Variants in UNC93A observed in about 807,000 individuals in gnomAD.
UNC93A encodes the protein N-acetylglucosamine transporter UNC93A.
UNC93A carries 43 observed loss-of-function variants against 47.5 expected under a neutral mutation model. The ratio of observed to expected loss-of-function variants is 0.91; its 90% confidence interval spans 0.71 to 1.17. UNC93A has a LOEUF of 1.17. Ranked by LOEUF, UNC93A falls within the 50% of genes most tolerant of loss-of-function variation. UNC93A has a pLI of 0.00. For missense variants in UNC93A, 605 were observed against 577.6 expected, an observed-to-expected ratio of 1.05 and a Z score of -0.49; for synonymous variants, 280 against 258.0, an observed-to-expected ratio of 1.09 and a Z score of -0.82.
At chr6:167,272,569 G>A (rs2115066181) in intron 1 of UNC93A, among the ~76,000 whole-genome samples, 1 of 152,322 alleles carries the variant, frequency 6.6e-6, no homozygotes, top group African/African-American at 2.4e-5. Flanking sequence ...TACATCTTAG[G>A]GAGACATGAG....
intron 5 of UNC93A, among the ~76,000 whole-genome samples, chr6:167,304,971 G>A (rs924893150): frequency 6.6e-6 from 1 of 152,212 alleles, no homozygotes; most frequent in Non-Finnish European, 1.5e-5. Flanking sequence ...AGGTGAGAGA[G>A]GCGGTGCCCC....
chr6:167,307,771 A>T lies in UNC93A; in HGVS notation c.977-8A>T. On this transcript the variant is annotated splice_polypyrimidine_tract_variant and splice_region_variant and intron_variant, in intron 6 of 7. Transcript: ENST00000230256. ...CATCGCCTGGCGGTTTCCCCTCTGC[A>T]CCCCCAGGCGCGGTGACCCACGTGT... is the stretch of plus-strand genomic sequence containing the variant. The T allele has an allele frequency of 1.3e-6, 2 of 1,586,746 alleles. No individual in the cohort carries two copies. Among genetic ancestry groups the T allele is most frequent in the Non-Finnish European group, 1.7e-6 (2 of 1,170,256 alleles).
intron 3 of UNC93A, among the ~76,000 whole-genome samples, chr6:167,296,927 T>A (rs1437255483): frequency 1.3e-5 from 2 of 152,198 alleles, no homozygotes; most frequent in Non-Finnish European, 2.9e-5. Flanking sequence ...TTCTATCACT[T>A]CATCAAGGTT....
rs373165045 is a variant in UNC93A, at chr6:167,283,904, G to T, written c.-51-7535G>T. ...TTTCAAAGATAAATTGAGTCTTCGTGGTATGAGGGCATTTCAGCAAACGCT... is the reference window on the plus strand; with the variant it reads ...TTTCAAAGATAAATTGAGTCTTCGTTGTATGAGGGCATTTCAGCAAACGCT... On this transcript the variant is annotated intron_variant, in intron 1 of 3. Coordinates refer to the UNC93A transcript ENST00000503433. Among the ~76,000 whole-genome samples the T allele has an allele frequency of 2.6e-5, 4 of 152,300 alleles. No individual in the cohort carries two copies. The South Asian group carries it at 6.2e-4, about 24-fold the overall frequency.
At chr6:167,305,704 A>G (rs1778366375) in intron 5 of UNC93A, among the ~76,000 whole-genome samples, 1 of 152,134 alleles carries the variant, frequency 6.6e-6, no homozygotes, top group Admixed American at 6.5e-5. Context: ...AGTTGTCCAA[A>G]CTGCCTCCTT....
intron 6 of UNC93A, among the ~76,000 whole-genome samples, chr6:167,307,075 C>G (rs945103022): frequency 6.6e-6 from 1 of 152,154 alleles, no homozygotes; most frequent in African/African-American, 2.4e-5. Flanking sequence ...ACACTTTGTC[C>G]TACCCCCTGG....
intron 1 of UNC93A, among the ~76,000 whole-genome samples, chr6:167,280,169 C>A (rs1485034905): frequency 6.6e-6 from 1 of 152,140 alleles, no homozygotes; most frequent in Non-Finnish European, 1.5e-5. Flanking sequence ...ACATTTGATA[C>A]TCAAAAGCCG....
At chr6:167,281,250 G>A (rs1783628940) in intron 1 of UNC93A, among the ~76,000 whole-genome samples, 1 of 151,902 alleles carries the variant, frequency 6.6e-6, no homozygotes, top group African/African-American at 2.4e-5. Context: ...GCCTAAGGAG[G>A]TCATCCCACG....
Position 167,282,883 on chromosome 6 carries a change from G to A in UNC93A, c.-51-8556G>A, listed in dbSNP as rs79485770. Among the ~76,000 whole-genome samples, 760 of 152,256 alleles carry A rather than the reference G, an allele frequency of 5.0e-3. 9 individuals are homozygous for A. Among genetic ancestry groups the A allele is most frequent in the African/African-American group, 0.017 (714 of 41,520 alleles). On this transcript the variant is annotated intron_variant, in intron 1 of 3. Coordinates refer to the UNC93A transcript ENST00000503433. ...AAGCAGGGGCTTCCGGGTCAGAGGT[G>A]AATTCAAAGATTTTCTGATTGGTAA...
upstream of UNC93A, among the ~76,000 whole-genome samples, chr6:167,270,734 A>G (rs908751657): frequency 1.3e-5 from 2 of 152,128 alleles, no homozygotes; most frequent in Non-Finnish European, 2.9e-5. Flanking sequence ...TGACCACTTG[A>G]GGACGAAGGC....
chr6:167,276,061 T>G (rs965530790), intron 1 of UNC93A, among the ~76,000 whole-genome samples: 5 of 149,538 alleles, frequency 3.3e-5, no homozygotes, highest in African/African-American at 7.4e-5. Context: ...TTTCTTTTCT[T>G]TTCTTTTTTT....
chr6:167,298,051 C>A lies in UNC93A; in HGVS notation c.606C>A (p.Thr202=), dbSNP rs1234019167. 1.2e-6 allele frequency: 2 copies of A among 1,613,566 alleles called. No homozygotes were observed. Among genetic ancestry groups the A allele is most frequent in the African/African-American group, 2.7e-5 (2 of 74,794 alleles). Residue 202 remains threonine (T), a synonymous_variant, in exon 4 of 8, where the codon ACC becomes ACA. Transcript: ENST00000230256. The part of the protein sequence containing the change: ...TQRPSQQLVY[T]LLGIYTGSGV... ...GGCCCTCCCAGCAGCTGGTCTACAC[C>A]CTCCTGGGCATCTACACTGGTACGA...
At chr6:167,306,521 TGGGAA>T (rs980027367) in intron 6 of UNC93A, among the ~76,000 whole-genome samples, 8 of 152,118 alleles carry the variant, frequency 5.3e-5, no homozygotes, top group South Asian at 4.1e-4. Flanking sequence ...CCATTTTTCT[TGGGAA>T]GGGAAGGGAA....
chr6:167,298,291 G>T, intron 4 of UNC93A: 3 of 551,584 alleles, frequency 5.4e-6, no homozygotes, highest in East Asian at 3.7e-5. Flanking sequence ...TGATGAGATT[G>T]TTATACATCT....
At chr6:167,290,041 G>A (rs950812656), upstream of UNC93A, among the ~76,000 whole-genome samples, 3 of 152,066 alleles carry the variant, frequency 2.0e-5, no homozygotes, top group East Asian at 1.9e-4. Context: ...TGTTCTAGGG[G>A]CTTTCAAAAT....
chr6:167,299,741 C>T (rs1202338264), intron 4 of UNC93A, among the ~76,000 whole-genome samples: 13 of 152,208 alleles, frequency 8.5e-5, no homozygotes, highest in Admixed American at 8.5e-4. Context: ...AAGATTTGGC[C>T]AGGCAGGGAA....
chr6:167,280,313 A>T (rs956642237), intron 1 of UNC93A, among the ~76,000 whole-genome samples: 3 of 152,152 alleles, frequency 2.0e-5, no homozygotes, highest in Non-Finnish European at 2.9e-5. Flanking sequence ...GGAGGAGCAC[A>T]TTTGTTAATG....
At chr6:167,270,221 A>G (rs1031324382), upstream of UNC93A, among the ~76,000 whole-genome samples, 4 of 151,982 alleles carry the variant, frequency 2.6e-5, no homozygotes, top group African/African-American at 9.7e-5. Flanking sequence ...CTCTTTTTTC[A>G]TGTCTAAGAC....
At chr6:167,287,684 G>GGTGT (rs56769110), upstream of UNC93A, among the ~76,000 whole-genome samples, 62 of 150,696 alleles carry the variant, frequency 4.1e-4, no homozygotes, top group East Asian at 2.0e-3. Context: ...AAATAAAAAG[G>GGTGT]GTGTGTGTGT....
Sources: gnomAD v4.1 joint callset for allele counts (sites outside exome capture counted in the v4.1 genomes callset) on GRCh38, gnomAD v4.1.1 for gene constraint, MANE v1.5 for transcripts, NCBI Gene and HGNC (gene_info 2026-07-23, HGNC 2026-07-21) for gene names.